The following HELZ2 variants were observed in gnomAD, a reference collection of about 807,000 sequenced individuals.
HELZ2 encodes the protein 3'-5' exoribonuclease HELZ2.
A neutral mutation model predicts 208.8 loss-of-function variants in HELZ2; 143 were observed. The ratio of observed to expected loss-of-function variants is 0.68; its 90% CI spans 0.60 to 0.79. The LOEUF is 0.79. HELZ2 is among the 30% of genes least tolerant of loss of function. The pLI is 0.00. For missense variants in HELZ2, 3,690 were observed against 3,794.5 expected, an observed-to-expected ratio of 0.97 and a Z score of 0.72; for synonymous variants, 1,705 against 1,693.7, an observed-to-expected ratio of 1.01 and a Z score of -0.16.
chr20:63,565,254 G>C (rs919836961), exon 8 of HELZ2: 2 of 1,607,120 alleles, frequency 1.2e-6, no homozygotes, highest in East Asian at 2.2e-5. Flanking sequence ...CCCAGCACGC[G>C]GCCCCGAAGC....
rs1224968322 is a variant in HELZ2, at chr20:63,559,776, G to A, written c.7825+152C>T. 2.4e-4 allele frequency: 131 copies of A among 538,332 alleles called. 1 individual carries two copies. The highest frequency in any genetic ancestry group is 4.0e-4 in the Non-Finnish European group (128 of 316,104). 33.3% of individuals were successfully genotyped at this position (538,332 alleles called of 1,614,324 possible). ...GGTGGGAGGAGTCAGGGTCAGATGGGAGTCAGTCAGAGTCAGGTGGGAGGA... is the reference window on the plus strand; with the variant it reads ...GGTGGGAGGAGTCAGGGTCAGATGGAAGTCAGTCAGAGTCAGGTGGGAGGA... On this transcript the variant is annotated intron_variant, in intron 18 of 18. Transcript: ENST00000467148.
chr20:63,563,456 G>A lies in HELZ2; in HGVS notation c.5366C>T (p.Pro1789Leu), dbSNP rs537003641. Residue 1789 changes from proline to leucine, a missense_variant, in exon 8 of 19, where the codon CCG becomes CTG. Coordinates refer to ENST00000467148, the Ensembl canonical transcript of HELZ2. ...GCGCCGCCACAGGAGCCGCAGGCCC[G>A]GCCGGCCTGCCAGGGCGTGGGGGTG... The A allele has an allele frequency of 1.3e-4, 204 of 1,525,284 alleles. 2 individuals are homozygous for A. In the South Asian group the frequency reaches 2.1e-3, roughly 16 times the overall value. 94.5% of individuals were successfully genotyped at this position (1,525,284 alleles called of 1,614,324 possible).
chr20:63,559,526 G>GGGTC, intron 18 of HELZ2, among the ~76,000 whole-genome samples, 156 bp from the exon 20 acceptor site: 1 of 61,682 alleles, frequency 1.6e-5, no homozygotes, highest in Non-Finnish European at 3.6e-5. Flanking sequence ...GAGTCAGTCA[G>GGGTC]AGTCAGGTGG....
At chr20:63,561,207 A>C (rs759506681) in exon 14 of HELZ2, 11 of 1,612,846 alleles carry the variant, frequency 6.8e-6, no homozygotes, top group Non-Finnish European at 9.3e-6. Context: ...GCACAGGAGC[A>C]GGTGCAGAGG....
exon 6 of HELZ2, chr20:63,567,405 G>T: frequency 1.3e-6 from 2 of 1,580,154 alleles, no homozygotes; most frequent in Non-Finnish European, 1.7e-6. Flanking sequence ...TGAGCTCACG[G>T]GCCTGGGAGG....
exon 12 of HELZ2, chr20:63,561,717 C>T (rs768141755): frequency 6.2e-7 from 1 of 1,609,554 alleles, no homozygotes; most frequent in Admixed American, 1.7e-5. Context: ...CACGGAGGGG[C>T]TTCAGCTCCA....
chr20:63,572,719 C>A (rs545076652), upstream of HELZ2: 2 of 323,356 alleles, frequency 6.2e-6, no homozygotes, highest in South Asian at 7.5e-5. Context: ...CGCTGCCCTG[C>A]ACCTCCGCCT....
chr20:63,568,409 T>C (rs1450197263), exon 5 of HELZ2: 1 of 1,609,674 alleles, frequency 6.2e-7, no homozygotes, highest in Non-Finnish European at 8.5e-7. Flanking sequence ...CCGGATGACC[T>C]CCAGGGAGGC....
In HELZ2 at chr20:63,572,354, C is replaced by A; in HGVS notation, c.32G>T (p.Gly11Val). 6.4e-7 allele frequency: 1 copy of A among 1,563,536 alleles called. No individual in the cohort carries two copies. Among genetic ancestry groups the A allele is most frequent in the South Asian group, 1.2e-5 (1 of 85,976 alleles). Residue 11 changes from glycine to valine, a missense_variant, in exon 1 of 19, where the codon GGC (glycine) becomes GTC (valine). Physicochemically the swap from Gly to Val is moderately radical, Grantham distance 109. This residue lies in a region of HELZ2 where 1,119 missense variants were observed against 1,193.4 expected (regional missense o/e 0.94). Coordinates refer to ENST00000467148, the Ensembl canonical transcript of HELZ2. ...TGTGAGCAGGTCCCCCCGCTGGAGG[C>A]CACCCAGCTGCTCGGCCTCCCACAC...
downstream of HELZ2, chr20:63,559,116 G>A: frequency 9.7e-7 from 1 of 1,029,996 alleles, no homozygotes; most frequent in Admixed American, 3.6e-5. Flanking sequence ...CCCACTTCCT[G>A]CCCCAGGGAG....
Position 63,566,236 on chromosome 20 carries a change from AG to A in HELZ2, c.2591-6del. ...CCACGACCCGGAACTGCCGCCCTGC[AG>A]GGGGCACGCAGTCAGGTCAGGCTGG... On this transcript the variant is annotated splice_region_variant and splice_polypyrimidine_tract_variant and intron_variant, in intron 7 of 18. Coordinates refer to ENST00000467148, the Ensembl canonical transcript of HELZ2. 6.7e-7 allele frequency: 1 copy of A among 1,485,862 alleles called. No individual in the cohort carries two copies. Among genetic ancestry groups the A allele is most frequent in the Non-Finnish European group, 9.0e-7 (1 of 1,114,962 alleles). 92.0% of individuals were successfully genotyped at this position (1,485,862 alleles called of 1,614,324 possible). A position where few individuals can be genotyped will look rare whatever the true frequency, so the allele number is the denominator to read the frequency against.
chr20:63,565,023 C>T lies in HELZ2; in HGVS notation c.3799G>A (p.Val1267Ile), dbSNP rs1209398782. Reference sequence around the variant, plus strand: ...CCTTGCCGCCACAGGACAATTTGGACCCAGAAGAGCCGGCTGTGCCGGGCC... The same window carrying T: ...CCTTGCCGCCACAGGACAATTTGGATCCAGAAGAGCCGGCTGTGCCGGGCC... The change falls in exon 8 of 19, where the codon GTC becomes ATC. Residue 1267 changes from valine (V) to isoleucine (I), a missense_variant. By Grantham distance (29) the Val-to-Ile change is conservative (BLOSUM62 3). This residue lies in a region of HELZ2 where 2,564 missense variants were observed against 2,580.5 expected (regional missense o/e 0.99). Coordinates refer to ENST00000467148, the Ensembl canonical transcript of HELZ2. The T allele has an allele frequency of 3.2e-6, 5 of 1,581,824 alleles. No individual in the cohort carries two copies. The South Asian group carries it at 4.5e-5, about 14-fold the overall frequency.
At chr20:63,572,160 A>C in exon 1 of HELZ2, 1 of 1,611,560 alleles carries the variant, frequency 6.2e-7, no homozygotes. Context: ...CGGTGCTCCC[A>C]GGGCAGGGCC....
At chr20:63,559,527 A>AGGTGGGAGGAGTCAGG (rs2082857640) in intron 18 of HELZ2, among the ~76,000 whole-genome samples, 157 bp from the exon 20 acceptor site, 1 of 19,834 alleles carries the variant, frequency 5.0e-5, no homozygotes, top group Non-Finnish European at 9.8e-5. Flanking sequence ...AGTCAGTCAG[A>AGGTGGGAGGAGTCAGG]GTCAGGTGGG....
chr20:63,565,340 A>G (rs1288187846), exon 8 of HELZ2: 2 of 1,607,536 alleles, frequency 1.2e-6, no homozygotes, highest in Non-Finnish European at 1.7e-6. Context: ...CCCACAGTCC[A>G]GGCGGCCCCT....
chr20:63,568,947 G>A, exon 5 of HELZ2: 1 of 1,606,566 alleles, frequency 6.2e-7, no homozygotes, highest in Non-Finnish European at 8.5e-7. Flanking sequence ...AGCATGTTCA[G>A]CGCTGGCGTC....
chr20:63,560,826 T>C, exon 15 of HELZ2: 2 of 1,612,916 alleles, frequency 1.2e-6, no homozygotes, highest in African/African-American at 2.7e-5. Flanking sequence ...CATATGTGCG[T>C]CCTCGTGGTA....
intron 18 of HELZ2, 38 bp downstream of exon 19, chr20:63,559,890 T>A (rs2082865866): frequency 1.3e-6 from 2 of 1,598,354 alleles, no homozygotes; most frequent in South Asian, 2.2e-5. Flanking sequence ...TGGCCTCACC[T>A]GTGTTCCCAC....
At chr20:63,570,408 A>C (rs2146022616) in intron 3 of HELZ2, 96 bp downstream of exon 4, 1 of 980,820 alleles carries the variant, frequency 1.0e-6, no homozygotes, top group Non-Finnish European at 1.6e-6. Context: ...GTGCCTCGGT[A>C]TTAGCTCCAT....
Sources: gnomAD v4.1 joint callset for allele counts (sites outside exome capture counted in the v4.1 genomes callset) on GRCh38, gnomAD v4.1.1 for gene constraint, gnomAD v4.1.1 regional missense constraint, MANE v1.5 for transcripts, NCBI Gene and HGNC (gene_info 2026-07-23, HGNC 2026-07-21) for gene names.